Variants in FAM149B1 observed in about 807,000 individuals in gnomAD.
FAM149B1 encodes the protein family with sequence similarity 149 member B1.
FAM149B1 carries 56 observed loss-of-function variants against 75.3 expected under a neutral mutation model. The observed-to-expected ratio is 0.74, with a 90% CI of 0.60 to 0.93. The LOEUF is 0.93. FAM149B1 is among the 40% of genes least tolerant of loss of function. The probability of loss-of-function intolerance (pLI) is 0.00; values close to 1 mark genes in which losing one functional copy is unlikely to be tolerated. For synonymous variants in FAM149B1, 259 were observed against 256.1 expected (o/e 1.01, Z -0.11); for missense variants, 639 against 708.4 (o/e 0.90, Z 1.11).
At chr10:73,230,694 TA>T in intron 9 of FAM149B1, 169 bp downstream of exon 9, 1 of 556,178 alleles carries the variant, frequency 1.8e-6, no homozygotes, top group East Asian at 2.9e-5. Context: ...GCTGATAATG[TA>T]ACTGGAAAGA....
intron 5 of FAM149B1, among the ~76,000 whole-genome samples, chr10:73,205,008 T>C (rs1044155343): frequency 8.6e-5 from 11 of 128,522 alleles, no homozygotes; most frequent in African/African-American, 3.3e-4. Context: ...GTAGAGACAG[T>C]TTCACCCTGT....
intron 5 of FAM149B1, among the ~76,000 whole-genome samples, chr10:73,204,101 C>T (rs2042997612): frequency 6.6e-6 from 1 of 151,980 alleles, no homozygotes; most frequent in African/African-American, 2.4e-5. Flanking sequence ...TTTAAAAGTG[C>T]CATGGGTTTG....
chr10:73,170,895 A>G (rs1423847085), intron 1 of FAM149B1, among the ~76,000 whole-genome samples: 1 of 152,180 alleles, frequency 6.6e-6, no homozygotes, highest in East Asian at 1.9e-4. Context: ...GTTAAAAAAA[A>G]TCTTGTATGG....
intron 7 of FAM149B1, among the ~76,000 whole-genome samples, chr10:73,220,044 A>G (rs891486080): frequency 6.6e-6 from 1 of 151,664 alleles, no homozygotes; most frequent in Non-Finnish European, 1.5e-5. Flanking sequence ...CTATAACTCA[A>G]TAATAAAAGC....
At chr10:73,208,568 G>T in intron 5 of FAM149B1, 51 bp from the exon 6 acceptor site, 1 of 1,307,646 alleles carries the variant, frequency 7.6e-7, no homozygotes, top group South Asian at 1.7e-5. Context: ...GTTGCCATAA[G>T]AACTGTTTAT....
At chr10:73,225,139 T>C (rs903792007) in intron 7 of FAM149B1, among the ~76,000 whole-genome samples, 2 of 152,256 alleles carry the variant, frequency 1.3e-5, no homozygotes, top group African/African-American at 4.8e-5. Context: ...TACATATACT[T>C]CATAATAAAC....
chr10:73,199,869 A>G, intron 5 of FAM149B1: 1 of 178,648 alleles, frequency 5.6e-6, no homozygotes, highest in Non-Finnish European at 1.2e-5. Flanking sequence ...GAACATGGAG[A>G]CCCAGAGAGA....
In FAM149B1 at chr10:73,223,734, G is replaced by GTT. The variant is rs11433486; in HGVS notation, c.899-4314_899-4313dup. ...AGCCACTATGTTGTATGTGTGTTAGGTTTTTTTTTTTTTAAGCTTGTATTA... is the reference window on the plus strand; with the variant it reads ...AGCCACTATGTTGTATGTGTGTTAGGTTTTTTTTTTTTTTTAAGCTTGTATTA... On this transcript the variant is annotated intron_variant, in intron 7 of 13. Coordinates refer to ENST00000242505, the MANE Select transcript of FAM149B1 (RefSeq NM_173348.2). Among the ~76,000 whole-genome samples the GTT allele has an allele frequency of 3.1e-3, 446 of 145,886 alleles. 4 individuals are homozygous for GTT. Among genetic ancestry groups the GTT allele is most frequent in the Non-Finnish European group, 4.3e-3 (284 of 66,576 alleles).
At chr10:73,225,996 C>T (rs1381900382) in intron 7 of FAM149B1, among the ~76,000 whole-genome samples, 1 of 152,096 alleles carries the variant, frequency 6.6e-6, no homozygotes, top group Non-Finnish European at 1.5e-5. Context: ...TACACTCAGA[C>T]TTCACACAAC....
At chr10:73,185,519 A>G (rs528088361) in intron 3 of FAM149B1, among the ~76,000 whole-genome samples, 33 of 152,326 alleles carry the variant, frequency 2.2e-4, no homozygotes, top group Admixed American at 3.3e-4. Context: ...ACTGCATTCC[A>G]CTGGGCAACA....
chr10:73,243,742 G>A lies in FAM149B1; in HGVS notation c.*2723G>A, dbSNP rs192441500. ...TAAAAGGACAAATAGAAGGTATGCG[G>A]TTATGTCTTAAAAGAAGAAAACAAA... On this transcript the variant is annotated 3_prime_UTR_variant, in exon 14 of 14. Transcript: ENST00000242505. The A allele has an allele frequency of 1.7e-6, 2 of 1,202,202 alleles. No individual in the cohort carries two copies. The highest frequency in any genetic ancestry group is 4.3e-5 in the Admixed American group (2 of 46,078). The allele number at this position is 1,202,202 out of a possible 1,614,324, so 74.5% of individuals were successfully genotyped here. A position where few individuals can be genotyped will look rare whatever the true frequency, so the allele number is the denominator to read the frequency against.
intron 1 of FAM149B1, among the ~76,000 whole-genome samples, chr10:73,170,262 G>C (rs1411029711): frequency 6.6e-6 from 1 of 152,040 alleles, no homozygotes; most frequent in Non-Finnish European, 1.5e-5. Context: ...CTAGCACTTT[G>C]GGAGGCCAAG....
chr10:73,202,721 C>T (rs1041683560), intron 5 of FAM149B1, among the ~76,000 whole-genome samples: 4 of 149,514 alleles, frequency 2.7e-5, no homozygotes, highest in African/African-American at 9.9e-5. Flanking sequence ...GACAGGGCCT[C>T]GCTTTGTCAC....
chr10:73,203,660 G>A (rs2042988959), intron 5 of FAM149B1, among the ~76,000 whole-genome samples: 1 of 129,458 alleles, frequency 7.7e-6, no homozygotes, highest in African/African-American at 3.5e-5. Context: ...TTTTTTTTGA[G>A]ATAGGGTCTC....
intron 12 of FAM149B1, among the ~76,000 whole-genome samples, chr10:73,236,413 CT>C (rs571460371): frequency 0.05 from 6,640 of 133,190 alleles, 260 homozygotes; most frequent in African/African-American, 0.15. Context: ...CAATTTCTGC[CT>C]TTTTTTTTTT....
In FAM149B1 at chr10:73,209,778, T is replaced by C. The variant is rs75752440; in HGVS notation, c.711-473T>C. ...AAGCCTTTAAAAGTTCCAGATTTGA[T>C]AGTCACAGCAGCATATTTGAAAATA... is the stretch of plus-strand genomic sequence containing the variant. On this transcript the variant is annotated intron_variant, in intron 6 of 13. Coordinates refer to ENST00000242505, the MANE Select transcript of FAM149B1 (RefSeq NM_173348.2). Among the ~76,000 whole-genome samples the C allele has an allele frequency of 8.2e-3, 1,251 of 152,370 alleles. 17 individuals carry two copies. Among genetic ancestry groups the C allele is most frequent in the African/African-American group, 0.027 (1,119 of 41,582 alleles).
chr10:73,181,334 A>G (rs2042393347), intron 3 of FAM149B1, among the ~76,000 whole-genome samples: 1 of 152,100 alleles, frequency 6.6e-6, no homozygotes, highest in South Asian at 2.1e-4. Context: ...TTTAAGATGT[A>G]TCATTAGATT....
intron 5 of FAM149B1, among the ~76,000 whole-genome samples, chr10:73,202,308 T>A (rs1041762271): frequency 1.3e-5 from 2 of 152,196 alleles, no homozygotes; most frequent in African/African-American, 4.8e-5. Context: ...TATAAAGGCC[T>A]ATAGTTGTTA....
chr10:73,240,449 A>C (rs1279987660), intron 13 of FAM149B1, among the ~76,000 whole-genome samples: 1 of 152,218 alleles, frequency 6.6e-6, no homozygotes, highest in African/African-American at 2.4e-5. Context: ...GTGGTGGCTC[A>C]TGCCTGTAAT....
Sources: gnomAD v4.1 joint callset for allele counts (sites outside exome capture counted in the v4.1 genomes callset) on GRCh38, gnomAD v4.1.1 for gene constraint, MANE v1.5 for transcripts, NCBI Gene and HGNC (gene_info 2026-07-23, HGNC 2026-07-21) for gene names.